BBS9: variants seen among roughly 807,000 people sequenced by gnomAD.
The protein encoded by BBS9 is protein PTHB1.
BBS9 carries 89 observed loss-of-function variants against 117.7 expected under a neutral mutation model. The observed-to-expected ratio is 0.76, with a 90% CI of 0.64 to 0.90. The LOEUF (loss-of-function observed/expected upper bound fraction) is 0.90, where lower values mean the gene tolerates loss of function less well. BBS9 is among the 40% of genes least tolerant of loss of function. The pLI is 0.00. For missense variants in BBS9, 982 were observed against 1,042.2 expected, an observed-to-expected ratio of 0.94 and a Z score of 0.80; for synonymous variants, 379 against 370.9, an observed-to-expected ratio of 1.02 and a Z score of -0.25.
At chr7:33,349,864 C>T (rs1818310391) in intron 13 of BBS9, among the ~76,000 whole-genome samples, 1 of 152,180 alleles carries the variant, frequency 6.6e-6, no homozygotes, top group African/African-American at 2.4e-5. Flanking sequence ...AGCTCTAACA[C>T]TCACTTGATG....
In BBS9 at chr7:33,412,568, T is replaced by C. The variant is rs1257156393; in HGVS notation, c.2115+24424T>C. 6.6e-5 allele frequency among the ~76,000 whole-genome samples: 10 copies of C among 152,228 alleles called. No individual in the cohort carries two copies. In the East Asian group the frequency reaches 1.9e-3, roughly 29 times the overall value. On this transcript the variant is annotated intron_variant, in intron 19 of 22. Transcript: ENST00000242067. ...GGAGTTCAGCAGTCATTGCAGCTGC[T>C]GTGGAAAGTACTCCTTTGCTTTGAC...
chr7:33,611,832 A>T (rs1223766053), intron 21 of BBS9, among the ~76,000 whole-genome samples: 1 of 142,070 alleles, frequency 7.0e-6, no homozygotes, highest in Non-Finnish European at 1.5e-5. Context: ...TAATATTATT[A>T]TATAATATTA....
chr7:33,145,997 T>C lies in BBS9; in HGVS notation c.-11-245T>C, dbSNP rs13244450. Among the ~76,000 whole-genome samples, 24,043 of 152,276 alleles carry C rather than the reference T, an allele frequency of 0.16. 2,076 individuals carry two copies. The highest frequency in any genetic ancestry group is 0.21 in the South Asian group (1,036 of 4,830). On this transcript the variant is annotated intron_variant, in intron 1 of 22. Transcript: ENST00000242067. ...TTCTGCAGTTCTCTCCTAAATGTTT[T>C]AGAAGAGAGAATTAGCACAACATAA...
intron 19 of BBS9, among the ~76,000 whole-genome samples, chr7:33,422,671 T>A (rs1438934363): frequency 6.6e-6 from 1 of 152,224 alleles, no homozygotes; most frequent in Non-Finnish European, 1.5e-5. Flanking sequence ...AGATTATATT[T>A]GGCTCTCAAC....
At chr7:33,319,706 G>T (rs1056770534) in intron 9 of BBS9, among the ~76,000 whole-genome samples, 4 of 152,030 alleles carry the variant, frequency 2.6e-5, no homozygotes, top group Non-Finnish European at 4.4e-5. Flanking sequence ...AGATAGATTG[G>T]TGAGACTTAA....
chr7:33,601,997 A>G (rs1863868392), intron 21 of BBS9, among the ~76,000 whole-genome samples: 1 of 152,198 alleles, frequency 6.6e-6, no homozygotes, highest in Admixed American at 6.5e-5. Context: ...TTGTTATACA[A>G]CTACTCCCAG....
chr7:33,336,472 G>A lies in BBS9; in HGVS notation c.1048G>A (p.Asp350Asn). 1.2e-6 allele frequency: 2 copies of A among 1,613,872 alleles called. No individual in the cohort carries two copies. Among genetic ancestry groups the A allele is most frequent in the Non-Finnish European group, 1.7e-6 (2 of 1,179,862 alleles). Residue 350 changes from aspartate to asparagine, a missense_variant, in exon 10 of 23, where the codon GAT (aspartate) becomes AAT (asparagine). Transcript: ENST00000242067. ...DLKGVIVTLSDDGHLQCSYLG... is the reference protein window; with the variant it reads ...DLKGVIVTLSNDGHLQCSYLG... ...AAAGGGAGTGATAGTCACTCTGAGTGATGATGGTCACTTGCAGTGTTCATA... is the reference window on the plus strand; with the variant it reads ...AAAGGGAGTGATAGTCACTCTGAGTAATGATGGTCACTTGCAGTGTTCATA...
chr7:33,409,206 G>A (rs557270615), intron 19 of BBS9, among the ~76,000 whole-genome samples: 206 of 152,214 alleles, frequency 1.4e-3, no homozygotes, highest in African/African-American at 4.7e-3. Context: ...TTGTGTTTGA[G>A]GACTTAGGCA....
At chr7:33,361,468 A>G (rs558874329) in intron 16 of BBS9, among the ~76,000 whole-genome samples, 1 of 152,114 alleles carries the variant, frequency 6.6e-6, no homozygotes, top group Admixed American at 6.5e-5. Context: ...GCTTGAGTTA[A>G]TGGGTATGCA....
At chr7:33,167,374 TC>T (rs1795859286) in intron 4 of BBS9, among the ~76,000 whole-genome samples, 1 of 152,022 alleles carries the variant, frequency 6.6e-6, no homozygotes, top group Non-Finnish European at 1.5e-5. Context: ...TATAAACTAG[TC>T]AGTCTGTTCA....
intron 19 of BBS9, among the ~76,000 whole-genome samples, chr7:33,464,776 T>C (rs1839931148): frequency 6.6e-6 from 1 of 152,050 alleles, no homozygotes; most frequent in Non-Finnish European, 1.5e-5. Context: ...ACTATTATTA[T>C]AATGAACATT....
chr7:33,502,910 C>T (rs969802426), intron 19 of BBS9, among the ~76,000 whole-genome samples: 5 of 152,118 alleles, frequency 3.3e-5, no homozygotes, highest in South Asian at 2.1e-4. Context: ...AGGAAGAAAG[C>T]GCTGTTAAAA....
intron 9 of BBS9, among the ~76,000 whole-genome samples, chr7:33,284,910 T>G (rs1442387005): frequency 6.6e-6 from 1 of 152,178 alleles, no homozygotes; most frequent in Non-Finnish European, 1.5e-5. Context: ...TCTTTGCTAC[T>G]CTTAACCAGT....
Position 33,505,518 on chromosome 7 carries a change from T to G in BBS9, c.2171T>G (p.Phe724Cys). Reference sequence around the variant, plus strand: ...AACCAAGGCAATCTGTTCCAGTCATTCACCAGGCTGAAGAGTGCCACCCAT... The same window carrying G: ...AACCAAGGCAATCTGTTCCAGTCATGCACCAGGCTGAAGAGTGCCACCCAT... ...EENQGNLFQS[F>C]TRLKSATHLV... Residue 724 changes from phenylalanine (F) to cysteine (C), a missense_variant, in exon 20 of 23, where the codon TTC becomes TGC. Transcript: ENST00000242067. The G allele has an allele frequency of 6.2e-7, 1 of 1,614,140 alleles. No homozygotes were observed. Among genetic ancestry groups the G allele is most frequent in the Non-Finnish European group, 8.5e-7 (1 of 1,179,976 alleles).
intron 21 of BBS9, among the ~76,000 whole-genome samples, chr7:33,564,490 G>C (rs1856560661): frequency 6.6e-6 from 1 of 152,130 alleles, no homozygotes; most frequent in Non-Finnish European, 1.5e-5. Flanking sequence ...GTGTTGTAAG[G>C]ACTGATCAAG....
intron 1 of BBS9, among the ~76,000 whole-genome samples, chr7:33,138,138 C>T (rs1310497767): frequency 6.6e-6 from 1 of 152,084 alleles, no homozygotes; most frequent in East Asian, 1.9e-4. Context: ...AGGCAGGGGA[C>T]TAGAGACGAG....
intron 19 of BBS9, among the ~76,000 whole-genome samples, chr7:33,434,035 A>G (rs543313593): frequency 2.8e-4 from 42 of 152,144 alleles, no homozygotes; most frequent in African/African-American, 8.9e-4. Context: ...TGGTGAACAT[A>G]TAATTGTTTA....
intron 12 of BBS9, among the ~76,000 whole-genome samples, chr7:33,347,874 A>G (rs1037790805): frequency 6.6e-6 from 1 of 152,020 alleles, no homozygotes; most frequent in South Asian, 2.1e-4. Context: ...ACAAAGTCTA[A>G]TAACTAGACT....
chr7:33,457,002 T>C (rs913291816), intron 19 of BBS9, among the ~76,000 whole-genome samples: 1 of 152,124 alleles, frequency 6.6e-6, no homozygotes, highest in African/African-American at 2.4e-5. Flanking sequence ...GGGGGTGAGA[T>C]TTGGTCACCA....
Sources: gnomAD v4.1 joint callset for allele counts (sites outside exome capture counted in the v4.1 genomes callset) on GRCh38, gnomAD v4.1.1 for gene constraint, MANE v1.5 for transcripts, NCBI Gene and HGNC (gene_info 2026-07-23, HGNC 2026-07-21) for gene names.